Variants in SENP5 observed in about 807,000 individuals in gnomAD.
SENP5 encodes sentrin-specific protease 5.
In SENP5, 21 loss-of-function variants were observed where a neutral mutation model predicts 74.2. That is an observed-to-expected ratio of 0.28 (90% CI 0.20 to 0.41). The LOEUF (loss-of-function observed/expected upper bound fraction) is 0.41. Among genes scored for constraint, SENP5 ranks in the 10% least tolerant of loss-of-function variants. The probability of loss-of-function intolerance (pLI) is 1.00; values close to 1 mark genes in which losing one functional copy is unlikely to be tolerated. For synonymous variants in SENP5, 311 were observed against 312.7 expected, an observed-to-expected ratio of 0.99 and a Z score of 0.06; for missense variants, 717 against 889.1, an observed-to-expected ratio of 0.81 and a Z score of 2.46.
intron 1 of SENP5, among the ~76,000 whole-genome samples, chr3:196,883,415 G>T (rs1295965507): frequency 6.6e-6 from 1 of 152,148 alleles, no homozygotes; most frequent in African/African-American, 2.4e-5. Context: ...GTGGGGAAGG[G>T]CCTGGAGGGG....
chr3:196,920,167 T>C (rs1715560707), intron 6 of SENP5, among the ~76,000 whole-genome samples: 1 of 151,908 alleles, frequency 6.6e-6, no homozygotes, highest in African/African-American at 2.4e-5. Context: ...AATGGACATC[T>C]AATAATAGTA....
chr3:196,870,265 T>C (rs546455473), intron 1 of SENP5, among the ~76,000 whole-genome samples: 1 of 152,314 alleles, frequency 6.6e-6, no homozygotes, highest in South Asian at 2.1e-4. Context: ...TTACCTATTA[T>C]GGTGAAACCC....
intron 6 of SENP5, among the ~76,000 whole-genome samples, chr3:196,911,412 C>G (rs542505525): frequency 6.6e-6 from 1 of 152,084 alleles, no homozygotes; most frequent in Non-Finnish European, 1.5e-5. Flanking sequence ...ACAGACACTT[C>G]GCAAAAGAAG....
At chr3:196,892,109 A>AG (rs2094006564) in intron 2 of SENP5, among the ~76,000 whole-genome samples, 1 of 150,970 alleles carries the variant, frequency 6.6e-6, no homozygotes, top group African/African-American at 2.4e-5. Flanking sequence ...TCTTAAAAAA[A>AG]GAAAAAAAAA....
At chr3:196,883,152 C>T (rs1713802394) in intron 1 of SENP5, among the ~76,000 whole-genome samples, 2 of 151,880 alleles carry the variant, frequency 1.3e-5, no homozygotes. Flanking sequence ...ACTATTTTAT[C>T]TAAAGGATAA....
rs551451619 is a variant in SENP5, at chr3:196,931,004, T to A, written c.*81T>A. On this transcript the variant is annotated 3_prime_UTR_variant, in exon 10 of 10. Transcript: ENST00000323460. ...TGAATCTCCAAACACTTAGTTGAAT[T>A]TTTACAGATATTTCAGATCAGTGGT... 1 of 885,796 alleles carries A rather than the reference T, an allele frequency of 1.1e-6. No individual in the cohort carries two copies. The highest frequency in any genetic ancestry group is 2.5e-5 in the East Asian group (1 of 40,402). The allele number at this position is 885,796 out of a possible 1,614,324, so 54.9% of individuals were successfully genotyped here. A position where few individuals can be genotyped will look rare whatever the true frequency, so the allele number is the denominator to read the frequency against.
intron 1 of SENP5, among the ~76,000 whole-genome samples, chr3:196,868,498 C>G (rs1472163857): frequency 6.6e-6 from 1 of 152,266 alleles, no homozygotes; most frequent in South Asian, 2.1e-4. Flanking sequence ...GACCCTTTTC[C>G]AGAGAGCCCG....
chr3:196,898,476 TA>T (rs1714544955), intron 2 of SENP5, among the ~76,000 whole-genome samples: 3 of 151,880 alleles, frequency 2.0e-5, no homozygotes, highest in Admixed American at 1.3e-4. Context: ...TTCACTTGCC[TA>T]TAGTCCCAGC....
chr3:196,887,844 C>G (rs1714039385), intron 2 of SENP5, among the ~76,000 whole-genome samples: 1 of 152,158 alleles, frequency 6.6e-6, no homozygotes, highest in Non-Finnish European at 1.5e-5. Context: ...TCTCGGCTCA[C>G]TGCAACCTCT....
chr3:196,929,493 G>T (rs1310736377), intron 8 of SENP5, 140 bp from the exon 9 acceptor site: 3 of 564,402 alleles, frequency 5.3e-6, no homozygotes, highest in African/African-American at 2.0e-5. Flanking sequence ...AAAATTAGAT[G>T]CTTGAGATAT....
At position 196,920,709 on chromosome 3, in the gene SENP5, T is replaced by C. The variant is rs989490897; in HGVS notation, c.1885-2705T>C. 2.0e-5 allele frequency among the ~76,000 whole-genome samples: 3 copies of C among 152,206 alleles called. No individual in the cohort carries two copies. In the South Asian group the frequency reaches 6.2e-4, roughly 31 times the overall value. On this transcript the variant is annotated intron_variant, in intron 6 of 9. Coordinates refer to ENST00000323460, the MANE Select transcript of SENP5 (RefSeq NM_152699.5). ...TTTTAATCATAAGTAAATACTGAAT[T>C]TCATCAAATGCTTTTCCTGCATCTA...
In SENP5 at chr3:196,903,571, A is replaced by T. The variant is rs1435421719; in HGVS notation, c.1845A>T (p.Val615=). The part of the protein sequence containing the change: ...FFNSFFHRQL[V]TKGYNGVKRW... ...ACAGCTTTTTTCATAGACAGCTGGT[A>T]ACCAAAGGATATAATGGAGTAAAAA... Residue 615 remains valine, a synonymous_variant, in exon 6 of 10, where the codon GTA becomes GTT. Transcript: ENST00000323460. 1 of 1,609,254 alleles carries T rather than the reference A, an allele frequency of 6.2e-7. No homozygotes were observed. Among genetic ancestry groups the T allele is most frequent in the East Asian group, 2.2e-5 (1 of 44,842 alleles).
Position 196,931,710 on chromosome 3 carries a change from G to T in SENP5, c.*787G>T. 1 of 271,538 alleles carries T rather than the reference G, an allele frequency of 3.7e-6. No individual in the cohort carries two copies. Among genetic ancestry groups the T allele is most frequent in the Non-Finnish European group, 7.3e-6 (1 of 136,750 alleles). The allele number at this position is 271,538 out of a possible 1,614,324, so 16.8% of individuals were successfully genotyped here. On this transcript the variant is annotated 3_prime_UTR_variant, in exon 10 of 10. Coordinates refer to ENST00000323460, the MANE Select transcript of SENP5 (RefSeq NM_152699.5). Reference sequence around the variant, plus strand: ...CCCTGAATTTTTCTGTTTTCGACCTGTTAAAAAAATCTTAACATCCATCAA... The same window carrying T: ...CCCTGAATTTTTCTGTTTTCGACCTTTTAAAAAAATCTTAACATCCATCAA...
chr3:196,930,009 T>C (rs1272915859), intron 9 of SENP5, among the ~76,000 whole-genome samples: 1 of 149,508 alleles, frequency 6.7e-6, no homozygotes, highest in Non-Finnish European at 1.5e-5. Context: ...AAAAAAAACA[T>C]TGGCAAGCAA....
chr3:196,886,392 G>A lies in SENP5; in HGVS notation c.1211G>A (p.Ser404Asn), dbSNP rs754238171. 2 of 1,612,690 alleles carry A rather than the reference G, an allele frequency of 1.2e-6. No individual in the cohort carries two copies. The highest frequency in any genetic ancestry group is 1.7e-6 in the Non-Finnish European group (2 of 1,179,144). Residue 404 changes from serine (S) to asparagine (N), a missense_variant, in exon 2 of 10, where the codon AGT (serine) becomes AAT (asparagine). Ser to Asn is a conservative substitution (Grantham distance 46). Coordinates refer to ENST00000323460, the MANE Select transcript of SENP5 (RefSeq NM_152699.5). ...IMTLGQENQT[S>N]SVSDDRVKLS... ...ACTCTGGGTCAGGAAAATCAGACAAGTTCTGTCAGTGATGACAGAGTAAAA... is the reference window on the plus strand; with the variant it reads ...ACTCTGGGTCAGGAAAATCAGACAAATTCTGTCAGTGATGACAGAGTAAAA...
intron 1 of SENP5, among the ~76,000 whole-genome samples, chr3:196,876,000 G>A (rs1713448798): frequency 1.3e-5 from 2 of 152,148 alleles, no homozygotes; most frequent in East Asian, 1.9e-4. Context: ...TGGGATTACA[G>A]GCATAAGCCA....
intron 6 of SENP5, chr3:196,912,501 G>A (rs1162415056): frequency 1.3e-5 from 2 of 152,098 alleles, no homozygotes; most frequent in African/African-American, 4.8e-5. Flanking sequence ...TGACAGCGGG[G>A]TGCGGTGGTT....
intron 6 of SENP5, among the ~76,000 whole-genome samples, chr3:196,916,782 C>T (rs1039425120): frequency 6.6e-6 from 1 of 151,894 alleles, no homozygotes; most frequent in East Asian, 2.0e-4. Flanking sequence ...GCCTCAGCCT[C>T]CCAAAGTGCT....
intron 1 of SENP5, among the ~76,000 whole-genome samples, chr3:196,873,069 C>CTTTTTTTTTTT (rs572160747): frequency 9.2e-6 from 1 of 108,388 alleles, no homozygotes. Context: ...TGAGATTTAA[C>CTTTTTTTTTTT]TTTTTTTTTT....
Sources: gnomAD v4.1 joint callset for allele counts (sites outside exome capture counted in the v4.1 genomes callset) on GRCh38, gnomAD v4.1.1 for gene constraint, MANE v1.5 for transcripts, NCBI Gene and HGNC (gene_info 2026-07-23, HGNC 2026-07-21) for gene names.